TNKS2: variants seen among roughly 807,000 people sequenced by gnomAD.
TNKS2 encodes the protein tankyrase 2, also known as poly [ADP-ribose] polymerase tankyrase-2.
Under a neutral mutation model 137.6 loss-of-function variants are expected in TNKS2, and 72 were observed. The ratio of observed to expected loss-of-function variants is 0.52; its 90% CI spans 0.43 to 0.64. The LOEUF (loss-of-function observed/expected upper bound fraction) is 0.64. Among genes scored for constraint, TNKS2 ranks in the 30% least tolerant of loss-of-function variants. TNKS2 has a pLI of 0.00. For missense variants in TNKS2, 1,049 were observed against 1,410.2 expected (o/e 0.74, Z 4.10); for synonymous variants, 516 against 512.1 (o/e 1.01, Z -0.10).
intron 26 of TNKS2, 64 bp downstream of exon 26, chr10:91,862,219 A>C (rs897308741): frequency 7.6e-7 from 1 of 1,309,424 alleles, no homozygotes. Flanking sequence ...CTTTTTATTA[A>C]TCTCTTGAAT....
chr10:91,830,790 C>A, intron 9 of TNKS2, 133 bp from the exon 10 acceptor site: 1 of 763,946 alleles, frequency 1.3e-6, no homozygotes. Context: ...AATCAAAAGT[C>A]AAGAGCAAAG....
intron 1 of TNKS2, among the ~76,000 whole-genome samples, chr10:91,805,230 A>T (rs1237612993): frequency 6.6e-6 from 1 of 152,182 alleles, no homozygotes; most frequent in Non-Finnish European, 1.5e-5. Context: ...TCAGCATAGC[A>T]GATTACATTC....
intron 1 of TNKS2, among the ~76,000 whole-genome samples, chr10:91,806,953 A>G (rs188472434): frequency 1.2e-3 from 189 of 152,372 alleles, no homozygotes; most frequent in Middle Eastern, 6.8e-3. Flanking sequence ...TCTAAGACAG[A>G]TGCATTTCTT....
At chr10:91,808,686 C>T (rs1844405241) in intron 1 of TNKS2, among the ~76,000 whole-genome samples, 1 of 151,878 alleles carries the variant, frequency 6.6e-6, no homozygotes, top group African/African-American at 2.4e-5. Flanking sequence ...ATATGTTAAG[C>T]AAACATTCTG....
chr10:91,856,034 T>C (rs1311378653), intron 23 of TNKS2, among the ~76,000 whole-genome samples: 1 of 152,224 alleles, frequency 6.6e-6, no homozygotes, highest in Non-Finnish European at 1.5e-5. Flanking sequence ...GGATACCATC[T>C]TTATAGTCAT....
At chr10:91,837,544 T>C (rs1842065323) in intron 13 of TNKS2, among the ~76,000 whole-genome samples, 1 of 152,220 alleles carries the variant, frequency 6.6e-6, no homozygotes, top group East Asian at 1.9e-4. Context: ...TCTTACTGTT[T>C]TGACTCTTGC....
At chr10:91,840,779 AAT>A in intron 14 of TNKS2, 73 bp downstream of exon 14, 4 of 1,420,356 alleles carry the variant, frequency 2.8e-6, no homozygotes, top group Non-Finnish European at 3.8e-6. Flanking sequence ...CTGGAAATAT[AAT>A]ATGTTTTATT....
intron 2 of TNKS2, among the ~76,000 whole-genome samples, chr10:91,815,822 G>A (rs988743931): frequency 1.2e-4 from 18 of 152,172 alleles, no homozygotes; most frequent in African/African-American, 3.9e-4. Flanking sequence ...CAAAGAACAG[G>A]AGCTGAGCTT....
intron 7 of TNKS2, among the ~76,000 whole-genome samples, chr10:91,822,683 A>C (rs1030790017): frequency 2.6e-5 from 4 of 151,514 alleles, no homozygotes; most frequent in Admixed American, 2.0e-4. Context: ...CTCCTGCCAC[A>C]GCCTCCTGAG....
intron 13 of TNKS2, among the ~76,000 whole-genome samples, chr10:91,838,208 G>A (rs1007350246): frequency 6.6e-6 from 1 of 152,062 alleles, no homozygotes; most frequent in African/African-American, 2.4e-5. Flanking sequence ...GGAGGGGATA[G>A]ATAAAGAGGA....
chr10:91,802,131 A>T (rs1668106547), intron 1 of TNKS2, among the ~76,000 whole-genome samples: 2 of 152,162 alleles, frequency 1.3e-5, no homozygotes, highest in African/African-American at 4.8e-5. Context: ...TGTTACTGTT[A>T]GTATGAGTAT....
chr10:91,858,602 A>G (rs552989258), intron 24 of TNKS2, among the ~76,000 whole-genome samples: 3 of 152,360 alleles, frequency 2.0e-5, no homozygotes, highest in South Asian at 2.1e-4. Context: ...AGAGAAGTCA[A>G]TGTGCAGGGG....
intron 16 of TNKS2, among the ~76,000 whole-genome samples, chr10:91,843,536 A>G (rs1236112423): frequency 6.6e-6 from 1 of 152,166 alleles, no homozygotes; most frequent in Non-Finnish European, 1.5e-5. Flanking sequence ...TCATTTCGTG[A>G]CATTTGTTTT....
chr10:91,806,192 C>A (rs1844322441), intron 1 of TNKS2, among the ~76,000 whole-genome samples: 2 of 151,934 alleles, frequency 1.3e-5, no homozygotes. Context: ...CAATGTAGTG[C>A]CTTCATTTCA....
Position 91,845,047 on chromosome 10 carries a change from C to A in TNKS2, c.2169+19C>A. On this transcript the variant is annotated intron_variant, in intron 17 of 26. Coordinates refer to ENST00000371627, the MANE Select transcript of TNKS2 (RefSeq NM_025235.4). ...TTACGGGGTAAGTTCTTCCGTGTTA[C>A]CTTTAAAAATTTGTGGAATTTTAAA... The A allele has an allele frequency of 5.2e-6, 8 of 1,534,672 alleles. No individual in the cohort carries two copies. The highest frequency in any genetic ancestry group is 1.4e-5 in the African/African-American group (1 of 72,826).
chr10:91,830,786 A>T, intron 9 of TNKS2, 137 bp from the exon 10 acceptor site: 1 of 734,708 alleles, frequency 1.4e-6, no homozygotes, highest in Non-Finnish European at 2.2e-6. Flanking sequence ...ATTCAATCAA[A>T]AGTCAAGAGC....
At chr10:91,853,620 A>G (rs1377227719) in intron 21 of TNKS2, among the ~76,000 whole-genome samples, 1 of 152,198 alleles carries the variant, frequency 6.6e-6, no homozygotes, top group African/African-American at 2.4e-5. Context: ...TACCATACTG[A>G]TCTTTCAGTA....
intron 21 of TNKS2, among the ~76,000 whole-genome samples, chr10:91,852,238 A>C (rs1281832439): frequency 6.7e-6 from 1 of 150,306 alleles, no homozygotes; most frequent in Non-Finnish European, 1.5e-5. Flanking sequence ...AAAAAAAATA[A>C]ATAAATAATA....
Position 91,817,239 on chromosome 10 carries a change from T to C in TNKS2, c.520+10T>C. ...AAAGCAGTGCTTACTGGTAAGTCTG[T>C]ATACTCTGGTTATTCCAGGAAGCCT... On this transcript the variant is annotated intron_variant, in intron 3 of 26. Coordinates refer to ENST00000371627, the MANE Select transcript of TNKS2 (RefSeq NM_025235.4). The C allele has an allele frequency of 1.9e-6, 3 of 1,600,992 alleles. No individual in the cohort carries two copies. The highest frequency in any genetic ancestry group is 2.6e-6 in the Non-Finnish European group (3 of 1,170,518).
Sources: gnomAD v4.1 joint callset for allele counts (sites outside exome capture counted in the v4.1 genomes callset) on GRCh38, gnomAD v4.1.1 for gene constraint, MANE v1.5 for transcripts, NCBI Gene and HGNC (gene_info 2026-07-23, HGNC 2026-07-21) for gene names.